UNC13B: variants seen among roughly 807,000 people sequenced by gnomAD.
UNC13B encodes the protein unc-13 homolog B, also known as protein unc-13 homolog B.
Under a neutral mutation model 211.0 loss-of-function variants are expected in UNC13B, and 144 were observed. That is an observed-to-expected ratio of 0.68 (90% CI 0.60 to 0.78). The LOEUF (loss-of-function observed/expected upper bound fraction) is 0.78. Ranked by LOEUF, UNC13B falls within the 30% of genes least tolerant of loss-of-function variation. The pLI is 0.00. For synonymous variants in UNC13B, 709 were observed against 725.8 expected, an observed-to-expected ratio of 0.98 and a Z score of 0.37; for missense variants, 1,777 against 2,002.0, an observed-to-expected ratio of 0.89 and a Z score of 2.14.
intron 1 of UNC13B, among the ~76,000 whole-genome samples, chr9:35,199,009 G>A (rs868410667): frequency 3.9e-5 from 6 of 152,060 alleles, no homozygotes; most frequent in South Asian, 4.2e-4. Flanking sequence ...ATCCCTCCCC[G>A]CTCCCCCTAC....
intron 11 of UNC13B, among the ~76,000 whole-genome samples, chr9:35,334,678 T>C (rs1831553168): frequency 1.3e-5 from 2 of 152,222 alleles, no homozygotes; most frequent in Non-Finnish European, 2.9e-5. Flanking sequence ...GATCACCAAT[T>C]CTTAGCATCA....
chr9:35,234,244 T>A (rs1417029643), intron 3 of UNC13B, among the ~76,000 whole-genome samples: 1 of 152,026 alleles, frequency 6.6e-6, no homozygotes, highest in Non-Finnish European at 1.5e-5. Flanking sequence ...GCCTCCTGAG[T>A]AACTGGGACT....
chr9:35,192,251 G>A (rs565200438), intron 1 of UNC13B, among the ~76,000 whole-genome samples: 1 of 152,254 alleles, frequency 6.6e-6, no homozygotes, highest in African/African-American at 2.4e-5. Flanking sequence ...AAAGTCTGGG[G>A]GTTCCAGTTA....
chr9:35,166,431 A>G (rs1821041938), intron 1 of UNC13B, among the ~76,000 whole-genome samples: 2 of 152,184 alleles, frequency 1.3e-5, no homozygotes, highest in African/African-American at 4.8e-5. Context: ...AAATTTAAAA[A>G]ATGCAGAAAA....
chr9:35,385,042 G>A, intron 22 of UNC13B: 1 of 985,394 alleles, frequency 1.0e-6, no homozygotes, highest in Non-Finnish European at 1.2e-6. Flanking sequence ...ACAGCTGACT[G>A]TATATCTTAT....
At chr9:35,262,329 T>A (rs1194506745) in intron 7 of UNC13B, among the ~76,000 whole-genome samples, 3 of 151,952 alleles carry the variant, frequency 2.0e-5, no homozygotes, top group Non-Finnish European at 4.4e-5. Flanking sequence ...CTTTCTTTCC[T>A]TTCTTGAGAA....
intron 1 of UNC13B, among the ~76,000 whole-genome samples, chr9:35,183,787 G>T (rs1236595675): frequency 1.7e-5 from 2 of 120,156 alleles, no homozygotes; most frequent in Non-Finnish European, 3.5e-5. Context: ...AGGCAGAGGC[G>T]CTCCTCACAT....
chr9:35,295,782 A>G lies in UNC13B; in HGVS notation c.613A>G (p.Thr205Ala), dbSNP rs1454940277. The G allele has an allele frequency of 1.2e-6, 2 of 1,613,942 alleles. No homozygotes were observed. The highest frequency in any genetic ancestry group is 2.2e-5 in the South Asian group (2 of 91,058). ...CAACAGCTTCCCACCTCCTTACCAT[A>G]CAGCTTCCCAGCCCAACGCTTCTGT... is the stretch of plus-strand genomic sequence containing the variant. ...TSNSFPPPYHTASQPNASVHQ... is the reference protein window; with the variant it reads ...TSNSFPPPYHAASQPNASVHQ... The change falls in exon 8 of 40, where the codon ACA (threonine) becomes GCA (alanine). Residue 205 changes from threonine to alanine, a missense_variant. Physicochemically the swap from Thr to Ala is moderately conservative, Grantham distance 58. Transcript: ENST00000635942.
chr9:35,200,195 A>G (rs1377159854), intron 1 of UNC13B, among the ~76,000 whole-genome samples: 1 of 152,096 alleles, frequency 6.6e-6, no homozygotes, highest in Non-Finnish European at 1.5e-5. Context: ...ATTGGTCTAT[A>G]TCTCTGTTTT....
rs1211044677 is a variant in UNC13B, at chr9:35,370,298, A to T, written c.9462-20A>T. 6.2e-7 allele frequency: 1 copy of T among 1,612,336 alleles called. No homozygotes were observed. The highest frequency in any genetic ancestry group is 1.7e-5 in the Admixed American group (1 of 59,974). ...TCAAAGCAAGACTGACGGTCCTGAC[A>T]TATTTTCTTCTCTCCTCAGGCCAGC... On this transcript the variant is annotated intron_variant, in intron 12 of 39. Transcript: ENST00000635942.
intron 20 of UNC13B, among the ~76,000 whole-genome samples, chr9:35,382,036 G>A (rs760875193): frequency 2.0e-5 from 3 of 152,202 alleles, no homozygotes; most frequent in East Asian, 1.9e-4. Flanking sequence ...ATGTGTGCTC[G>A]TGTACATGTG....
chr9:35,329,737 C>T (rs186964107), intron 11 of UNC13B, among the ~76,000 whole-genome samples: 2 of 152,150 alleles, frequency 1.3e-5, no homozygotes, highest in African/African-American at 2.4e-5. Flanking sequence ...AATCTGCCCC[C>T]CTTGGCCTCC....
At chr9:35,227,985 C>G in intron 1 of UNC13B, 30 bp from the exon 2 acceptor site, 8 of 1,606,958 alleles carry the variant, frequency 5.0e-6, no homozygotes, top group Non-Finnish European at 6.8e-6. Context: ...TGGAAACATT[C>G]TTCATGGTAT....
intron 1 of UNC13B, among the ~76,000 whole-genome samples, chr9:35,213,506 G>A (rs73497394): frequency 6.6e-6 from 1 of 152,282 alleles, no homozygotes; most frequent in African/African-American, 2.4e-5. Flanking sequence ...TATTAAGGCA[G>A]CCTGACCTAA....
chr9:35,398,833 ACAGTGTG>A, intron 32 of UNC13B, 42 bp from the exon 33 acceptor site: 5 of 1,596,522 alleles, frequency 3.1e-6, no homozygotes, highest in Non-Finnish European at 4.3e-6. Context: ...CGCTCCAGGG[ACAGTGTG>A]TGTTTGGGGA....
chr9:35,378,630 G>A (rs1834611958), intron 17 of UNC13B, among the ~76,000 whole-genome samples, 194 bp downstream of exon 17: 1 of 152,132 alleles, frequency 6.6e-6, no homozygotes, highest in African/African-American at 2.4e-5. Context: ...CAGGATTACT[G>A]TGCCCATGCC....
intron 7 of UNC13B, among the ~76,000 whole-genome samples, chr9:35,259,598 A>G (rs1438714162): frequency 1.3e-5 from 2 of 152,042 alleles, no homozygotes; most frequent in Non-Finnish European, 2.9e-5. Context: ...TAAATGATTG[A>G]CTTATTTCTC....
At chr9:35,394,601 AAATAAGAAGT>A (rs1373531409) in intron 26 of UNC13B, among the ~76,000 whole-genome samples, 2 of 152,208 alleles carry the variant, frequency 1.3e-5, no homozygotes, top group African/African-American at 4.8e-5. Flanking sequence ...ATCTCAAAAA[AAATAAGAAGT>A]TTATATAGAC....
At position 35,376,201 on chromosome 9, in the gene UNC13B, G is replaced by T; in HGVS notation, c.9789G>T (p.Lys3263Asn). 1.2e-6 allele frequency: 2 copies of T among 1,614,104 alleles called. No individual in the cohort carries two copies. The highest frequency in any genetic ancestry group is 1.3e-5 in the African/African-American group (1 of 75,054). The change falls in exon 15 of 40, where the codon AAG (lysine) becomes AAT (asparagine). Residue 3263 changes from lysine (K) to asparagine (N), a missense_variant. Lys to Asn is a moderately conservative substitution (Grantham distance 94). Transcript: ENST00000635942. Reference sequence around the variant, plus strand: ...TGCGCTGCAGCGAATGTGGAGTCAAGTGCCATGAGAAGTGCCAGGATCTGC... The same window carrying T: ...TGCGCTGCAGCGAATGTGGAGTCAATTGCCATGAGAAGTGCCAGGATCTGC... ...QGMRCSECGV[K>N]CHEKCQDLLN...
Sources: gnomAD v4.1 joint callset for allele counts (sites outside exome capture counted in the v4.1 genomes callset) on GRCh38, gnomAD v4.1.1 for gene constraint, MANE v1.5 for transcripts, NCBI Gene and HGNC (gene_info 2026-07-23, HGNC 2026-07-21) for gene names.